Variants in FER1L6 observed in about 807,000 individuals in gnomAD.
The protein encoded by FER1L6 is fer-1-like protein 6.
Under a neutral mutation model 219.2 loss-of-function variants are expected in FER1L6, and 177 were observed. The ratio of observed to expected loss-of-function variants is 0.81; its 90% CI spans 0.71 to 0.91. FER1L6 has a LOEUF of 0.91. Ranked by LOEUF, FER1L6 falls within the 40% of genes least tolerant of loss-of-function variation. The pLI is 0.00. For synonymous variants in FER1L6, 768 were observed against 824.3 expected, an observed-to-expected ratio of 0.93 and a Z score of 1.17; for missense variants, 2,153 against 2,259.9, an observed-to-expected ratio of 0.95 and a Z score of 0.96.
chr8:124,011,396 C>T (rs1817914115), intron 14 of FER1L6, among the ~76,000 whole-genome samples: 1 of 152,160 alleles, frequency 6.6e-6, no homozygotes, highest in Admixed American at 6.5e-5. Flanking sequence ...TGCTTTGTCA[C>T]TCAGGCTGGA....
chr8:124,016,166 C>A (rs955572163), intron 15 of FER1L6: 1 of 152,290 alleles, frequency 6.6e-6, no homozygotes, highest in African/African-American at 2.4e-5. Flanking sequence ...TCTACCTGCA[C>A]TGATCCATTC....
intron 36 of FER1L6, 131 bp from the exon 37 acceptor site, chr8:124,097,654 T>C: frequency 1.6e-6 from 1 of 635,492 alleles, no homozygotes; most frequent in Non-Finnish European, 2.8e-6. Context: ...ACCAAGCCCC[T>C]AAGTGTTGAT....
intron 40 of FER1L6, 65 bp from the exon 41 acceptor site, chr8:124,119,542 G>A (rs1002269597): frequency 2.6e-5 from 28 of 1,064,808 alleles, no homozygotes; most frequent in Non-Finnish European, 4.0e-5. Context: ...CACTTCCTGG[G>A]GTCTTAAGCA....
At chr8:123,918,308 C>CA (rs34073010) in intron 1 of FER1L6, among the ~76,000 whole-genome samples, 14,328 of 123,580 alleles carry the variant, frequency 0.12, 741 homozygotes, top group Middle Eastern at 0.2. Flanking sequence ...CAACCTGTCT[C>CA]AAAAAAAAAA....
intron 12 of FER1L6, among the ~76,000 whole-genome samples, chr8:123,995,001 A>G (rs571876477): frequency 6.6e-6 from 1 of 152,358 alleles, no homozygotes; most frequent in Admixed American, 6.5e-5. Context: ...GTGGGAGTGT[A>G]TATCCCAGAG....
intron 11 of FER1L6, among the ~76,000 whole-genome samples, chr8:123,982,604 T>C (rs1287852440): frequency 1.3e-5 from 2 of 152,256 alleles, no homozygotes; most frequent in Admixed American, 6.5e-5. Flanking sequence ...CATGATAACA[T>C]ATCTCAAAAC....
At chr8:123,885,295 G>A (rs1405179631) in intron 1 of FER1L6, among the ~76,000 whole-genome samples, 2 of 152,186 alleles carry the variant, frequency 1.3e-5, no homozygotes, top group Non-Finnish European at 2.9e-5. Flanking sequence ...GCCATGCTGA[G>A]GAATGGTCTA....
At chr8:123,857,970 G>A (rs7822090) in intron 1 of FER1L6, among the ~76,000 whole-genome samples, 5,627 of 152,254 alleles carry the variant, frequency 0.037, 281 homozygotes, top group African/African-American at 0.11. Flanking sequence ...TGTGAGTGAG[G>A]TGTCAGGTTC....
At chr8:124,118,520 C>T (rs1247568048) in intron 39 of FER1L6, among the ~76,000 whole-genome samples, 1 of 152,166 alleles carries the variant, frequency 6.6e-6, no homozygotes, top group East Asian at 1.9e-4. Flanking sequence ...AATCAGTCCC[C>T]TTTCTAATTA....
At chr8:123,948,993 G>A (rs2130062273) in intron 1 of FER1L6, among the ~76,000 whole-genome samples, 1 of 152,300 alleles carries the variant, frequency 6.6e-6, no homozygotes, top group South Asian at 2.1e-4. Context: ...GTGTGCACTA[G>A]CACCAGGAGC....
chr8:124,063,177 C>A (rs75938216), intron 25 of FER1L6, among the ~76,000 whole-genome samples: 2,001 of 152,152 alleles, frequency 0.013, 40 homozygotes, highest in African/African-American at 0.046. Context: ...TTCACAAATT[C>A]TTTGTATTTT....
chr8:123,869,368 A>C (rs567721808), intron 1 of FER1L6, among the ~76,000 whole-genome samples: 1 of 152,210 alleles, frequency 6.6e-6, no homozygotes, highest in East Asian at 1.9e-4. Context: ...GTATATCCAA[A>C]TGCTGGCTGG....
chr8:124,007,306 C>G (rs1324575903), intron 13 of FER1L6, among the ~76,000 whole-genome samples: 1 of 152,064 alleles, frequency 6.6e-6, no homozygotes, highest in Non-Finnish European at 1.5e-5. Flanking sequence ...CCCTCTCCCC[C>G]CCCTACCTTC....
intron 20 of FER1L6, among the ~76,000 whole-genome samples, chr8:124,045,292 G>A (rs1487329198): frequency 6.6e-6 from 1 of 152,208 alleles, no homozygotes; most frequent in East Asian, 1.9e-4. Flanking sequence ...GGTCCAGGTG[G>A]AACCTCAGTT....
At chr8:123,974,183 T>G (rs1815946010) in intron 7 of FER1L6, among the ~76,000 whole-genome samples, 1 of 152,152 alleles carries the variant, frequency 6.6e-6, no homozygotes, top group Admixed American at 6.5e-5. Context: ...CCAACTCCTG[T>G]GACTGTGGGG....
At chr8:124,093,331 T>C in intron 34 of FER1L6, among the ~76,000 whole-genome samples, 1 of 151,760 alleles carries the variant, frequency 6.6e-6, no homozygotes, top group South Asian at 2.1e-4. Context: ...CTCATGCCTT[T>C]GATGCTTTAA....
chr8:123,893,567 T>A (rs1812688137), intron 1 of FER1L6, among the ~76,000 whole-genome samples: 2 of 152,352 alleles, frequency 1.3e-5, no homozygotes, highest in Non-Finnish European at 2.9e-5. Flanking sequence ...TTCTCCAGAA[T>A]TTGTAAACTA....
chr8:124,080,566 C>T (rs901530332), intron 32 of FER1L6, among the ~76,000 whole-genome samples: 7 of 152,272 alleles, frequency 4.6e-5, no homozygotes, highest in Non-Finnish European at 8.8e-5. Context: ...GATCCACCTG[C>T]CTCGGCCTCC....
intron 9 of FER1L6, 144 bp downstream of exon 9, chr8:123,976,228 G>A (rs1169512674): frequency 1.5e-5 from 10 of 665,190 alleles, no homozygotes; most frequent in African/African-American, 1.3e-4. Flanking sequence ...GGGGCCAGGC[G>A]AGGTGGCTCA....
Sources: gnomAD v4.1 joint callset for allele counts (sites outside exome capture counted in the v4.1 genomes callset) on GRCh38, gnomAD v4.1.1 for gene constraint, MANE v1.5 for transcripts, NCBI Gene and HGNC (gene_info 2026-07-23, HGNC 2026-07-21) for gene names.